Variants in TWSG1 observed in about 807,000 individuals in gnomAD.
The protein encoded by TWSG1 is twisted gastrulation protein homolog 1.
Under a neutral mutation model 23.0 loss-of-function variants are expected in TWSG1, and 15 were observed. The ratio of observed to expected loss-of-function variants is 0.65; its 90% CI spans 0.44 to 1.00. The LOEUF is 1.00. Among genes scored for constraint, TWSG1 ranks in the 50% least tolerant of loss-of-function variants. The pLI, the probability that TWSG1 is intolerant of heterozygous loss-of-function variation, is 0.00. For missense variants in TWSG1, 242 were observed against 278.7 expected, an observed-to-expected ratio of 0.87 and a Z score of 0.94; for synonymous variants, 86 against 92.8, an observed-to-expected ratio of 0.93 and a Z score of 0.42.
At chr18:9,372,193 C>T (rs959697828) in intron 3 of TWSG1, among the ~76,000 whole-genome samples, 4 of 151,466 alleles carry the variant, frequency 2.6e-5, no homozygotes, top group Non-Finnish European at 4.4e-5. Flanking sequence ...TCCCCCTTAT[C>T]GGTGGGAGAT....
At chr18:9,337,062 A>C in intron 1 of TWSG1, 131 bp from the exon 2 acceptor site, 1 of 759,280 alleles carries the variant, frequency 1.3e-6, no homozygotes, top group South Asian at 1.7e-5. Flanking sequence ...CAACAGAGCA[A>C]GACTCTAAAA....
At chr18:9,335,138 G>A (rs1469309710) in intron 1 of TWSG1, among the ~76,000 whole-genome samples, 1 of 152,152 alleles carries the variant, frequency 6.6e-6, no homozygotes, top group Non-Finnish European at 1.5e-5. Context: ...CGCCGCTTTG[G>A]TCCAGACCAT....
intron 3 of TWSG1, among the ~76,000 whole-genome samples, chr18:9,381,014 G>A (rs2040653355): frequency 6.6e-6 from 1 of 152,022 alleles, no homozygotes; most frequent in Non-Finnish European, 1.5e-5. Flanking sequence ...GAGTTGTTTT[G>A]CTTTCAGAAA....
intron 3 of TWSG1, among the ~76,000 whole-genome samples, chr18:9,381,862 ACC>A (rs199882184): frequency 2.6e-5 from 3 of 113,728 alleles, no homozygotes; most frequent in Non-Finnish European, 2.0e-5. Flanking sequence ...AGCTTTACAC[ACC>A]CCTGTTACTA....
intron 3 of TWSG1, among the ~76,000 whole-genome samples, chr18:9,362,162 G>A (rs1507611): frequency 0.99 from 150,723 of 152,352 alleles, 74,591 homozygotes; most frequent in Middle Eastern, 1. Context: ...AATATGTACA[G>A]TGAAACTAAA....
intron 2 of TWSG1, among the ~76,000 whole-genome samples, chr18:9,350,388 C>T (rs1378644987): frequency 6.6e-6 from 1 of 152,132 alleles, no homozygotes; most frequent in Admixed American, 6.5e-5. Context: ...ATGAGGATTT[C>T]ACTGGGACAC....
At chr18:9,392,311 A>G (rs1390564429) in intron 3 of TWSG1, among the ~76,000 whole-genome samples, 4 of 152,248 alleles carry the variant, frequency 2.6e-5, no homozygotes, top group African/African-American at 9.6e-5. Context: ...TGCAGTTTAT[A>G]CATCAGCACT....
chr18:9,384,369 C>A (rs1285843171), intron 3 of TWSG1, among the ~76,000 whole-genome samples: 1 of 152,098 alleles, frequency 6.6e-6, no homozygotes, highest in Non-Finnish European at 1.5e-5. Context: ...AAGTTGGATA[C>A]AAATATCTGG....
rs145134563 is a variant in TWSG1, at chr18:9,360,052, C to T, written c.204C>T (p.Asp68=). 46 of 1,613,128 alleles carry T rather than the reference C, an allele frequency of 2.9e-5. No homozygotes were observed. In the Middle Eastern group the frequency reaches 5.0e-4, roughly 17 times the overall value. The change falls in exon 3 of 5, where the codon GAC becomes GAT. Residue 68 remains aspartate (D), a synonymous_variant. Coordinates refer to ENST00000262120, the MANE Select transcript of TWSG1 (RefSeq NM_020648.6). Reference sequence around the variant, plus strand: ...TGCTGTGTCTTGGGGCCCTTTGGGACGAGTGCTGTGACTGTGTTGGTAAGT... The same window carrying T: ...TGCTGTGTCTTGGGGCCCTTTGGGATGAGTGCTGTGACTGTGTTGGTAAGT... The part of the protein sequence containing the change: ...ECMLCLGALW[D]ECCDCVGMCN...
At chr18:9,379,470 C>T (rs756355049) in intron 3 of TWSG1, among the ~76,000 whole-genome samples, 1 of 151,852 alleles carries the variant, frequency 6.6e-6, no homozygotes, top group Non-Finnish European at 1.5e-5. Flanking sequence ...AATGAGAACA[C>T]GTGGACAGAA....
intron 3 of TWSG1, among the ~76,000 whole-genome samples, chr18:9,365,163 A>C (rs1276480312): frequency 6.6e-6 from 1 of 151,622 alleles, no homozygotes; most frequent in East Asian, 2.0e-4. Flanking sequence ...TTTACCAAAA[A>C]TAAAAATTAA....
rs118029104 is a variant in TWSG1 at position 9,391,732 on chromosome 18, G to T, written c.224-4548G>T. 4.9e-3 allele frequency among the ~76,000 whole-genome samples: 744 copies of T among 152,238 alleles called. 10 individuals carry two copies. In the East Asian group the frequency reaches 0.052, roughly 11 times the overall value. ...GTGAGCACATGCTATTGGGAAAATG[G>T]CACTGATAGATATATTTCTGAGATA... is the stretch of plus-strand genomic sequence containing the variant. On this transcript the variant is annotated intron_variant, in intron 3 of 4. Transcript: ENST00000262120.
chr18:9,399,556 A>G lies in TWSG1; in HGVS notation c.*29A>G. The G allele has an allele frequency of 6.4e-7, 1 of 1,570,114 alleles. No homozygotes were observed. The highest frequency in any genetic ancestry group is 8.6e-7 in the Non-Finnish European group (1 of 1,160,450). ...AGACAAATGCAAACCAAAGCAACTT[A>G]GTAAAATAATAGGTATAAAAAGTTA... On this transcript the variant is annotated 3_prime_UTR_variant, in exon 5 of 5. Coordinates refer to ENST00000262120, the MANE Select transcript of TWSG1 (RefSeq NM_020648.6).
At position 9,362,886 on chromosome 18, in the gene TWSG1, T is replaced by C. The variant is rs147110367; in HGVS notation, c.223+2815T>C. ...CTTTGAGTAAGTTCATAATGTAACT[T>C]CATCTTTCATTTTAAGTTAAGTTAA... is the stretch of plus-strand genomic sequence containing the variant. On this transcript the variant is annotated intron_variant, in intron 3 of 4. Transcript: ENST00000262120. Among the ~76,000 whole-genome samples the C allele has an allele frequency of 6.5e-3, 997 of 152,326 alleles. 8 individuals carry two copies. Among genetic ancestry groups the C allele is most frequent in the Middle Eastern group, 0.044 (13 of 294 alleles).
At chr18:9,369,796 A>G (rs752915907) in intron 3 of TWSG1, among the ~76,000 whole-genome samples, 2 of 151,938 alleles carry the variant, frequency 1.3e-5, no homozygotes, top group Non-Finnish European at 2.9e-5. Flanking sequence ...CTCCCAAAGC[A>G]TTGGGATTAC....
chr18:9,355,613 T>C (rs1369352519), intron 2 of TWSG1, among the ~76,000 whole-genome samples: 1 of 152,238 alleles, frequency 6.6e-6, no homozygotes, highest in African/African-American at 2.4e-5. Flanking sequence ...GGAAATTCAT[T>C]GTTTCAGTTT....
chr18:9,336,417 G>A (rs1360720079), intron 1 of TWSG1, among the ~76,000 whole-genome samples: 1 of 151,478 alleles, frequency 6.6e-6, no homozygotes, highest in East Asian at 1.9e-4. Context: ...AAAGAATATC[G>A]TCACATTCTA....
intron 3 of TWSG1, among the ~76,000 whole-genome samples, chr18:9,369,535 G>A (rs1197349652): frequency 6.6e-6 from 1 of 152,024 alleles, no homozygotes; most frequent in African/African-American, 2.4e-5. Context: ...CCAAATGCTG[G>A]GATTACAGGC....
intron 2 of TWSG1, among the ~76,000 whole-genome samples, chr18:9,358,549 G>C (rs1383831051): frequency 6.6e-6 from 1 of 152,192 alleles, no homozygotes; most frequent in African/African-American, 2.4e-5. Context: ...CAGGTGCCAT[G>C]AAAAATTAGA....
Sources: allele counts gnomAD v4.1 joint callset (sites outside exome capture counted in the v4.1 genomes callset), GRCh38; gene constraint gnomAD v4.1.1; transcripts MANE v1.5; gene names NCBI Gene and HGNC (gene_info 2026-07-23, HGNC 2026-07-21).